NOL4: variants seen among roughly 807,000 people sequenced by gnomAD.
NOL4 encodes the protein nucleolar protein 4.
A neutral mutation model predicts 75.9 loss-of-function variants in NOL4; 17 were observed. The ratio of observed to expected loss-of-function variants is 0.22; its 90% CI spans 0.15 to 0.34. NOL4 has a LOEUF of 0.34. NOL4 is among the 10% of genes least tolerant of loss of function. NOL4 has a pLI of 1.00. For synonymous variants in NOL4, 292 were observed against 289.9 expected, an observed-to-expected ratio of 1.01 and a Z score of -0.07; for missense variants, 614 against 793.5, an observed-to-expected ratio of 0.77 and a Z score of 2.72.
At chr18:34,141,367 C>T (rs2081151585) in intron 1 of NOL4, among the ~76,000 whole-genome samples, 1 of 151,844 alleles carries the variant, frequency 6.6e-6, no homozygotes, top group Non-Finnish European at 1.5e-5. Context: ...AAAGAGCCCG[C>T]ATCACCAAGT....
chr18:34,133,542 T>C lies in NOL4; in HGVS notation c.265-3522A>G, dbSNP rs73955462. Among the ~76,000 whole-genome samples the C allele has an allele frequency of 7.7e-3, 1,173 of 152,052 alleles. 13 individuals carry two copies. The highest frequency in any genetic ancestry group is 0.026 in the African/African-American group (1,079 of 41,494). On this transcript the variant is annotated intron_variant, in intron 1 of 10. Transcript: ENST00000261592. ...AATTGCATATTTGTTCTTGAATGACTTCAAAGGCAACTGGATAAAACAATA... is the reference window on the plus strand; with the variant it reads ...AATTGCATATTTGTTCTTGAATGACCTCAAAGGCAACTGGATAAAACAATA...
chr18:33,864,978 G>T (rs2063361678), intron 10 of NOL4, among the ~76,000 whole-genome samples: 1 of 152,124 alleles, frequency 6.6e-6, no homozygotes, highest in African/African-American at 2.4e-5. Flanking sequence ...CCTCTCCCAT[G>T]ATTTAATCAC....
At chr18:33,862,771 A>G (rs1245069933) in intron 10 of NOL4, among the ~76,000 whole-genome samples, 4 of 152,214 alleles carry the variant, frequency 2.6e-5, no homozygotes, top group Non-Finnish European at 5.9e-5. Flanking sequence ...TCAGGAAACA[A>G]CAGCTACTGG....
chr18:33,883,400 G>C lies in NOL4; in HGVS notation c.1567C>G (p.Gln523Glu). ...QQDESAPADK[Q>E]CKPEATQATY... The stretch of plus-strand genomic sequence containing the variant: ...GCCTGGGTCGCCTCTGGTTTACACT[G>C]TTTGTCAGCTGGAGCAGACTCATCC... The change falls in exon 10 of 11, where the codon CAG becomes GAG. Residue 523 changes from glutamine to glutamate, a missense_variant. Gln to Glu is a conservative substitution (Grantham distance 29). Coordinates refer to ENST00000261592, the MANE Select transcript of NOL4 (RefSeq NM_003787.5). 13 of 1,609,252 alleles carry C rather than the reference G, an allele frequency of 8.1e-6. No homozygotes were observed. Among genetic ancestry groups the C allele is most frequent in the Non-Finnish European group, 1.1e-5 (13 of 1,178,336 alleles).
intron 1 of NOL4, among the ~76,000 whole-genome samples, chr18:34,169,107 G>C (rs1162452837): frequency 2.0e-5 from 3 of 151,822 alleles, no homozygotes; most frequent in Non-Finnish European, 4.4e-5. Flanking sequence ...TGGAAATACA[G>C]ATCTATAAAA....
chr18:34,179,783 A>G (rs1455304329), intron 1 of NOL4, among the ~76,000 whole-genome samples: 1 of 151,598 alleles, frequency 6.6e-6, no homozygotes, highest in African/African-American at 2.4e-5. Flanking sequence ...CTCTCTGTGC[A>G]CCAGAAAGCA....
intron 5 of NOL4, among the ~76,000 whole-genome samples, chr18:34,080,919 G>C (rs571212304): frequency 6.6e-6 from 1 of 152,232 alleles, no homozygotes; most frequent in East Asian, 1.9e-4. Context: ...ACCTCAATGG[G>C]TAAAAAAACA....
chr18:34,146,892 C>T (rs2081423045), intron 1 of NOL4, among the ~76,000 whole-genome samples: 1 of 152,028 alleles, frequency 6.6e-6, no homozygotes, highest in Non-Finnish European at 1.5e-5. Flanking sequence ...TCTCTTATTT[C>T]CTTGAGCAGT....
At chr18:33,918,383 A>T (rs2066849028) in intron 9 of NOL4, among the ~76,000 whole-genome samples, 1 of 152,208 alleles carries the variant, frequency 6.6e-6, no homozygotes, top group Non-Finnish European at 1.5e-5. Context: ...ACACTCACTG[A>T]TGTGTATTCA....
intron 6 of NOL4, among the ~76,000 whole-genome samples, chr18:33,962,474 T>C (rs1219194026): frequency 6.6e-6 from 1 of 152,198 alleles, no homozygotes; most frequent in Non-Finnish European, 1.5e-5. Flanking sequence ...AAAATTTAAA[T>C]TGACAGTGTT....
intron 1 of NOL4, among the ~76,000 whole-genome samples, chr18:34,215,091 A>G (rs1330823636): frequency 6.6e-6 from 1 of 152,244 alleles, no homozygotes; most frequent in Non-Finnish European, 1.5e-5. Flanking sequence ...GTTGCAAGAC[A>G]ATGTGAATAT....
At chr18:33,904,255 C>T (rs890688369) in intron 9 of NOL4, among the ~76,000 whole-genome samples, 1 of 152,040 alleles carries the variant, frequency 6.6e-6, no homozygotes, top group Non-Finnish European at 1.5e-5. Context: ...AGCCACACTA[C>T]CCCAGCAATG....
chr18:33,961,114 T>C (rs561714386), intron 6 of NOL4, among the ~76,000 whole-genome samples: 7 of 151,844 alleles, frequency 4.6e-5, no homozygotes, highest in Non-Finnish European at 1.0e-4. Context: ...TTATAAATGG[T>C]TTCAAATATA....
intron 2 of NOL4, among the ~76,000 whole-genome samples, chr18:34,127,008 G>A (rs2080417757): frequency 6.6e-6 from 1 of 151,538 alleles, no homozygotes. Flanking sequence ...AGAGACCTAA[G>A]AGTCACTATA....
intron 8 of NOL4, among the ~76,000 whole-genome samples, chr18:33,950,002 C>T (rs1484070919): frequency 2.0e-5 from 3 of 151,530 alleles, no homozygotes; most frequent in Admixed American, 1.3e-4. Context: ...TTTGTATATA[C>T]TATATACACT....
chr18:34,057,388 C>G (rs1308889400), intron 5 of NOL4, among the ~76,000 whole-genome samples: 2 of 152,164 alleles, frequency 1.3e-5, no homozygotes, highest in Non-Finnish European at 2.9e-5. Context: ...TTTCTGTTTA[C>G]ATTGGGCTCC....
intron 6 of NOL4, among the ~76,000 whole-genome samples, chr18:34,016,268 T>C (rs1043919192): frequency 1.3e-5 from 2 of 152,120 alleles, no homozygotes; most frequent in Non-Finnish European, 2.9e-5. Context: ...ATTTTCCTCC[T>C]GGATTGCCAC....
intron 6 of NOL4, among the ~76,000 whole-genome samples, chr18:33,993,754 A>T (rs894694405): frequency 1.3e-5 from 2 of 152,064 alleles, no homozygotes; most frequent in East Asian, 1.9e-4. Flanking sequence ...ACATCAATAA[A>T]TAGAAATAAT....
At position 33,899,766 on chromosome 18, in the gene NOL4, T is replaced by C. The variant is rs142744582; in HGVS notation, c.1543-16342A>G. Among the ~76,000 whole-genome samples the C allele has an allele frequency of 1.6e-3, 237 of 152,268 alleles. 1 individual carries two copies. Among genetic ancestry groups the C allele is most frequent in the African/African-American group, 5.5e-3 (227 of 41,572 alleles). On this transcript the variant is annotated intron_variant, in intron 9 of 10. Coordinates refer to ENST00000261592, the MANE Select transcript of NOL4 (RefSeq NM_003787.5). ...CCAGCCATTTTGTTTTACCCTGGGG[T>C]ATCCTGTTGGAGAGGGGGAATAGTG...
Sources: gnomAD v4.1 joint callset for allele counts (sites outside exome capture counted in the v4.1 genomes callset) on GRCh38, gnomAD v4.1.1 for gene constraint, MANE v1.5 for transcripts, NCBI Gene and HGNC (gene_info 2026-07-23, HGNC 2026-07-21) for gene names.